The following B4GALT5 variants were observed in gnomAD, a reference collection of about 807,000 sequenced individuals.
B4GALT5 encodes the protein beta-1,4-galactosyltransferase 5, also known as UDP-Gal:beta-GlcNAc beta-1,4-galactosyltransferase 5.
B4GALT5 carries 11 observed loss-of-function variants against 45.0 expected under a neutral mutation model. The ratio of observed to expected loss-of-function variants is 0.24; its 90% confidence interval spans 0.15 to 0.40. The LOEUF is 0.40. Ranked by LOEUF, B4GALT5 falls within the 10% of genes least tolerant of loss-of-function variation. The pLI is 1.00. For synonymous variants in B4GALT5, 185 were observed against 182.9 expected, an observed-to-expected ratio of 1.01 and a Z score of -0.09; for missense variants, 337 against 500.2, an observed-to-expected ratio of 0.67 and a Z score of 3.11.
intron 1 of B4GALT5, among the ~76,000 whole-genome samples, chr20:49,711,886 A>G (rs1430630587): frequency 6.6e-6 from 1 of 152,224 alleles, no homozygotes; most frequent in African/African-American, 2.4e-5. Context: ...TTCTCTATTC[A>G]GCTAGTTCTG....
At position 49,639,802 on chromosome 20, in the gene B4GALT5, TAGG is replaced by T. The variant is rs1174172534; in HGVS notation, c.795-5_795-3del. The T allele has an allele frequency of 4.3e-6, 7 of 1,612,474 alleles. No individual in the cohort carries two copies. Among genetic ancestry groups the T allele is most frequent in the Admixed American group, 1.7e-5 (1 of 59,970 alleles). ...CCAAAGAACTCGGTATAAGGAAGCC[TAGG>T]AGGAGATGTGGGACATCAATCATCT... is the stretch of plus-strand genomic sequence containing the variant. On this transcript the variant is annotated splice_polypyrimidine_tract_variant and splice_region_variant and intron_variant, in intron 6 of 8. Coordinates refer to ENST00000371711, the MANE Select transcript of B4GALT5 (RefSeq NM_004776.4).
At chr20:49,644,235 TTTTTG>T (rs999785982) in intron 3 of B4GALT5, among the ~76,000 whole-genome samples, 2 of 151,928 alleles carry the variant, frequency 1.3e-5, no homozygotes, top group Admixed American at 1.3e-4. Context: ...CCTTCTTTTT[TTTTTG>T]TTTTGTTTAT....
intron 1 of B4GALT5, among the ~76,000 whole-genome samples, chr20:49,670,588 A>G (rs1354849270): frequency 7.2e-5 from 11 of 152,222 alleles, no homozygotes; most frequent in Non-Finnish European, 1.6e-4. Context: ...GCAATTCTAT[A>G]GCAAAAAGTT....
chr20:49,656,807 CTCTTT>C, intron 1 of B4GALT5, 105 bp from the exon 2 acceptor site: 1 of 1,444,364 alleles, frequency 6.9e-7, no homozygotes, highest in Non-Finnish European at 9.5e-7. Flanking sequence ...CTTTTAAAGC[CTCTTT>C]TAGTTCTTTT....
At chr20:49,647,889 C>T (rs544292275) in intron 2 of B4GALT5, among the ~76,000 whole-genome samples, 1 of 152,186 alleles carries the variant, frequency 6.6e-6, no homozygotes, top group African/African-American at 2.4e-5. Context: ...TCTGTGCTGC[C>T]TTTCTGGAGA....
At chr20:49,702,372 G>GT (rs925656449) in intron 1 of B4GALT5, among the ~76,000 whole-genome samples, 13 of 152,228 alleles carry the variant, frequency 8.5e-5, no homozygotes, top group African/African-American at 2.9e-4. Flanking sequence ...GGAGCAAAAG[G>GT]TAAGTGATAA....
chr20:49,682,689 CTA>C (rs1568728890), intron 1 of B4GALT5, among the ~76,000 whole-genome samples: 1 of 152,206 alleles, frequency 6.6e-6, no homozygotes, highest in East Asian at 1.9e-4. Flanking sequence ...CTCCAAAGCA[CTA>C]ATTACCTAAA....
chr20:49,654,738 G>T (rs1209163179), intron 2 of B4GALT5, among the ~76,000 whole-genome samples: 3 of 152,334 alleles, frequency 2.0e-5, no homozygotes, highest in Non-Finnish European at 2.9e-5. Flanking sequence ...GAGAAGAAGA[G>T]AGGACTGATT....
intron 5 of B4GALT5, 70 bp downstream of exon 5, chr20:49,642,398 G>T: frequency 4.3e-6 from 5 of 1,172,552 alleles, no homozygotes; most frequent in Non-Finnish European, 6.2e-6. Flanking sequence ...ACCAACAGTG[G>T]ATTAGCTTGC....
At chr20:49,696,453 C>T (rs955440883) in intron 1 of B4GALT5, among the ~76,000 whole-genome samples, 2 of 152,120 alleles carry the variant, frequency 1.3e-5, no homozygotes, top group Non-Finnish European at 2.9e-5. Context: ...GTAAAGACAG[C>T]AGGTATGTTT....
intron 1 of B4GALT5, among the ~76,000 whole-genome samples, chr20:49,683,225 G>A (rs572937840): frequency 1.3e-5 from 2 of 152,104 alleles, no homozygotes; most frequent in Non-Finnish European, 2.9e-5. Context: ...CACAAATAAT[G>A]TTCTCCTTAG....
At chr20:49,690,549 CAA>C (rs1254506773) in intron 1 of B4GALT5, among the ~76,000 whole-genome samples, 6 of 111,892 alleles carry the variant, frequency 5.4e-5, no homozygotes, top group Admixed American at 8.9e-5. Flanking sequence ...AACTCTAACT[CAA>C]AAAAAAAAAG....
At position 49,701,451 on chromosome 20, in the gene B4GALT5, TCA is replaced by T. The variant is rs1281766667; in HGVS notation, c.115+12123_115+12124del. 3.4e-5 allele frequency among the ~76,000 whole-genome samples: 5 copies of T among 148,936 alleles called. No individual in the cohort carries two copies. In the East Asian group the frequency reaches 1.0e-3, roughly 31 times the overall value. On this transcript the variant is annotated intron_variant, in intron 1 of 8. Transcript: ENST00000371711. ...TTTCCTCATTCGTCAGCATTTGACATCATTTTCTGATGTTATAAAGGATAACA... is the reference window on the plus strand; with the variant it reads ...TTTCCTCATTCGTCAGCATTTGACATTTTTCTGATGTTATAAAGGATAACA...
At chr20:49,645,196 G>GA (rs2085593951) in intron 3 of B4GALT5, among the ~76,000 whole-genome samples, 1 of 150,846 alleles carries the variant, frequency 6.6e-6, no homozygotes, top group Non-Finnish European at 1.5e-5. Flanking sequence ...AACATAGTGA[G>GA]ACCCCCACCT....
chr20:49,681,852 T>C (rs2085765335), intron 1 of B4GALT5, among the ~76,000 whole-genome samples: 1 of 152,164 alleles, frequency 6.6e-6, no homozygotes, highest in Admixed American at 6.5e-5. Context: ...TCCCAGCACT[T>C]TGGAAGGCTG....
intron 1 of B4GALT5, among the ~76,000 whole-genome samples, chr20:49,658,138 C>T (rs919543395): frequency 6.6e-5 from 10 of 152,006 alleles, no homozygotes; most frequent in Non-Finnish European, 1.3e-4. Flanking sequence ...CTTCTGGCAC[C>T]GTCGGAGAAT....
intron 3 of B4GALT5, among the ~76,000 whole-genome samples, chr20:49,646,432 C>A (rs1335596704): frequency 6.6e-6 from 1 of 152,148 alleles, no homozygotes; most frequent in Non-Finnish European, 1.5e-5. Context: ...TTTTATATCT[C>A]ATTTTTTACT....
In B4GALT5 at chr20:49,712,061, T is replaced by C. The variant is rs150151785; in HGVS notation, c.115+1515A>G. On this transcript the variant is annotated intron_variant, in intron 1 of 8. Coordinates refer to ENST00000371711, the MANE Select transcript of B4GALT5 (RefSeq NM_004776.4). ...CCCCAGCAGCATCTTCTGATCATTT[T>C]TCACCATAAACTGAGGTTTCCTCAT... is the stretch of plus-strand genomic sequence containing the variant. 2.5e-3 allele frequency among the ~76,000 whole-genome samples: 382 copies of C among 152,356 alleles called. 2 individuals are homozygous for C. The highest frequency in any genetic ancestry group is 8.6e-3 in the African/African-American group (357 of 41,574).
At chr20:49,639,594 C>T in intron 7 of B4GALT5, 84 bp downstream of exon 7, 1 of 1,533,054 alleles carries the variant, frequency 6.5e-7, no homozygotes, top group Non-Finnish European at 8.8e-7. Flanking sequence ...ACACACATGG[C>T]TTGCATTATA....
Sources: gnomAD v4.1 joint callset for allele counts (sites outside exome capture counted in the v4.1 genomes callset) on GRCh38, gnomAD v4.1.1 for gene constraint, MANE v1.5 for transcripts, NCBI Gene and HGNC (gene_info 2026-07-23, HGNC 2026-07-21) for gene names.